The following PLXNA4 variants were observed in gnomAD, a reference collection of about 807,000 sequenced individuals.
PLXNA4 encodes the protein plexin-A4.
In PLXNA4, 44 loss-of-function variants were observed where a neutral mutation model predicts 191.8. That is an observed-to-expected ratio of 0.23 (90% CI 0.18 to 0.29). The LOEUF (loss-of-function observed/expected upper bound fraction) is 0.29. Among genes scored for constraint, PLXNA4 ranks in the 10% least tolerant of loss-of-function variants. The pLI is 1.00. For missense variants in PLXNA4, 1,800 were observed against 2,488.8 expected, an observed-to-expected ratio of 0.72 and a Z score of 5.89; for synonymous variants, 1,082 against 1,009.5, an observed-to-expected ratio of 1.07 and a Z score of -1.36.
chr7:132,361,331 C>G (rs1803932996), intron 3 of PLXNA4, among the ~76,000 whole-genome samples: 1 of 152,054 alleles, frequency 6.6e-6, no homozygotes, highest in Admixed American at 6.5e-5. Flanking sequence ...AGAGCCAACA[C>G]GTGTTGTGCT....
chr7:132,514,686 G>A (rs1343593592), intron 1 of PLXNA4, among the ~76,000 whole-genome samples: 1 of 152,046 alleles, frequency 6.6e-6, no homozygotes, highest in African/African-American at 2.4e-5. Flanking sequence ...TTGGACTTGG[G>A]TACAATATTG....
intron 3 of PLXNA4, among the ~76,000 whole-genome samples, chr7:132,406,908 G>A (rs993230684): frequency 2.1e-4 from 32 of 152,074 alleles, no homozygotes; most frequent in African/African-American, 7.0e-4. Flanking sequence ...AATAGAGTAG[G>A]TGTTCATTTT....
chr7:132,523,495 G>T (rs1301401406), intron 1 of PLXNA4, among the ~76,000 whole-genome samples: 8 of 152,256 alleles, frequency 5.3e-5, no homozygotes. Context: ...GGGCTGGAAG[G>T]CCCAGAAGAG....
intron 3 of PLXNA4, among the ~76,000 whole-genome samples, chr7:132,479,876 T>G (rs1242052239): frequency 1.3e-5 from 2 of 152,198 alleles, no homozygotes; most frequent in Admixed American, 6.5e-5. Flanking sequence ...CAGGCTGGTC[T>G]GAAATCCCTG....
intron 3 of PLXNA4, among the ~76,000 whole-genome samples, chr7:132,377,473 G>A (rs890683967): frequency 1.1e-4 from 16 of 151,898 alleles, no homozygotes; most frequent in African/African-American, 3.6e-4. Flanking sequence ...GAGCTGGAAG[G>A]ATCAACTCCT....
At chr7:132,444,799 A>G (rs1253144841) in intron 3 of PLXNA4, among the ~76,000 whole-genome samples, 2 of 152,012 alleles carry the variant, frequency 1.3e-5, no homozygotes, top group Non-Finnish European at 2.9e-5. Context: ...TAGACCATGC[A>G]TGCAAAATCA....
At chr7:132,316,819 T>G (rs757617636) in intron 3 of PLXNA4, among the ~76,000 whole-genome samples, 34 of 152,184 alleles carry the variant, frequency 2.2e-4, no homozygotes, top group Non-Finnish European at 3.5e-4. Context: ...AGTACACAAT[T>G]TAGTCCCCCA....
chr7:132,440,329 T>C (rs2117243968), intron 3 of PLXNA4, among the ~76,000 whole-genome samples: 1 of 152,270 alleles, frequency 6.6e-6, no homozygotes, highest in East Asian at 1.9e-4. Context: ...CAAATAACAC[T>C]ACGACACGCA....
At chr7:132,629,369 T>C (rs1341577208) in intron 2 of PLXNA4, among the ~76,000 whole-genome samples, 2 of 152,234 alleles carry the variant, frequency 1.3e-5, no homozygotes, top group Admixed American at 6.5e-5. Context: ...TACCTGAGTA[T>C]GTAGACTTGT....
intron 3 of PLXNA4, among the ~76,000 whole-genome samples, chr7:132,304,650 A>T (rs1392122446): frequency 6.6e-6 from 1 of 152,214 alleles, no homozygotes; most frequent in African/African-American, 2.4e-5. Context: ...CATATTGGAC[A>T]GCACAATTCT....
chr7:132,361,042 A>C (rs756266974), intron 3 of PLXNA4, among the ~76,000 whole-genome samples: 58 of 152,208 alleles, frequency 3.8e-4, no homozygotes, highest in Admixed American at 3.3e-4. Context: ...GCTTGAAGAT[A>C]CTGGCCTTAA....
At chr7:132,596,096 T>C (rs1177381593) in intron 2 of PLXNA4, among the ~76,000 whole-genome samples, 2 of 152,238 alleles carry the variant, frequency 1.3e-5, no homozygotes, top group Admixed American at 1.3e-4. Flanking sequence ...GTCTGTTGAC[T>C]CTCTTTTAAT....
intron 29 of PLXNA4, among the ~76,000 whole-genome samples, chr7:132,141,536 G>T (rs1445419746): frequency 6.6e-6 from 1 of 152,114 alleles, no homozygotes; most frequent in Non-Finnish European, 1.5e-5. Context: ...ATTCTGGTGG[G>T]TTCATGGAAA....
intron 1 of PLXNA4, among the ~76,000 whole-genome samples, chr7:132,527,539 C>CAAAAAAAAAA (rs34598256): frequency 6.7e-5 from 4 of 59,718 alleles, no homozygotes; most frequent in African/African-American, 1.9e-4. Context: ...GAAACAGACT[C>CAAAAAAAAAA]AAAAAAAAAA....
At chr7:132,432,618 T>C (rs1437442331) in intron 3 of PLXNA4, among the ~76,000 whole-genome samples, 2 of 152,106 alleles carry the variant, frequency 1.3e-5, no homozygotes, top group African/African-American at 4.8e-5. Context: ...GGAAGGACTA[T>C]TTCACAGATG....
intron 3 of PLXNA4, chr7:132,484,838 T>C: frequency 6.2e-7 from 1 of 1,614,166 alleles, no homozygotes; most frequent in Non-Finnish European, 8.5e-7. Flanking sequence ...CCCAGGTACA[T>C]TTAGGAAGCA....
rs551930234 is a variant in PLXNA4 at position 132,348,534 on chromosome 7, T to C, written c.1372-50312A>G. Among the ~76,000 whole-genome samples, 296 of 152,332 alleles carry C rather than the reference T, an allele frequency of 1.9e-3. 2 individuals carry two copies. Among genetic ancestry groups the C allele is most frequent in the African/African-American group, 6.6e-3 (274 of 41,574 alleles). On this transcript the variant is annotated intron_variant, in intron 3 of 31. Transcript: ENST00000321063. ...TGACACAGAAAGATCACCGTATTTGTACAACAGGCTGAGGTCAATGGAGAG... is the reference window on the plus strand; with the variant it reads ...TGACACAGAAAGATCACCGTATTTGCACAACAGGCTGAGGTCAATGGAGAG...
At chr7:132,159,691 A>G in intron 24 of PLXNA4, 59 bp from the exon 25 acceptor site, 1 of 1,598,176 alleles carries the variant, frequency 6.3e-7, no homozygotes, top group South Asian at 1.1e-5. Context: ...AAGCTCCTAG[A>G]TCCCCAGCAG....
At chr7:132,173,628 G>A (rs761257877) in intron 21 of PLXNA4, among the ~76,000 whole-genome samples, 4 of 152,200 alleles carry the variant, frequency 2.6e-5, no homozygotes, top group East Asian at 1.9e-4. Flanking sequence ...GACTTCTCAC[G>A]TTTGCTACAG....
Sources: gnomAD v4.1 joint callset for allele counts (sites outside exome capture counted in the v4.1 genomes callset) on GRCh38, gnomAD v4.1.1 for gene constraint, MANE v1.5 for transcripts, NCBI Gene and HGNC (gene_info 2026-07-23, HGNC 2026-07-21) for gene names.